The following ARHGEF10L variants were observed in gnomAD, a reference collection of about 807,000 sequenced individuals.
The protein encoded by ARHGEF10L is rho guanine nucleotide exchange factor 10-like protein.
Under a neutral mutation model 141.2 loss-of-function variants are expected in ARHGEF10L, and 69 were observed. The ratio of observed to expected loss-of-function variants is 0.49; its 90% CI spans 0.40 to 0.60. The LOEUF is 0.60. Among genes scored for constraint, ARHGEF10L ranks in the 20% least tolerant of loss-of-function variants. The pLI is 0.00. For missense variants in ARHGEF10L, 1,482 were observed against 1,734.3 expected (o/e 0.85, Z 2.58); for synonymous variants, 711 against 718.5 (o/e 0.99, Z 0.17).
At chr1:17,696,401 A>G (rs2065503142) in intron 28 of ARHGEF10L, among the ~76,000 whole-genome samples, 1 of 152,094 alleles carries the variant, frequency 6.6e-6, no homozygotes, top group Non-Finnish European at 1.5e-5. Context: ...GGGGGTCATC[A>G]TAGCTCGGGT....
Position 17,621,544 on chromosome 1 carries a change from A to G in ARHGEF10L, c.943-320A>G, listed in dbSNP as rs1052033585. 2.0e-5 allele frequency among the ~76,000 whole-genome samples: 3 copies of G among 152,132 alleles called. No homozygotes were observed. Among genetic ancestry groups the G allele is most frequent in the Non-Finnish European group, 4.4e-5 (3 of 68,004 alleles). ...CACCTTGCCTGGCCTAGGATTTTCT[A>G]TTAGAGTTGTCCAAAGATGGAGGTG... On this transcript the variant is annotated intron_variant, in intron 10 of 28. Transcript: ENST00000361221. This position sits in a 1 kb window ranked among gnomAD's most constrained non-coding sequence, Gnocchi z 4.1.
At chr1:17,657,071 A>T (rs1408580528) in intron 25 of ARHGEF10L, among the ~76,000 whole-genome samples, 1 of 152,030 alleles carries the variant, frequency 6.6e-6, no homozygotes, top group Non-Finnish European at 1.5e-5. Context: ...ACTCTTCATG[A>T]GAATAAGGGC....
At chr1:17,635,646 A>G (rs541091574) in intron 18 of ARHGEF10L, among the ~76,000 whole-genome samples, 1 of 152,256 alleles carries the variant, frequency 6.6e-6, no homozygotes, top group South Asian at 2.1e-4. Flanking sequence ...TTATGCCCTC[A>G]TGCTGGGCCA....
intron 16 of ARHGEF10L, 145 bp downstream of exon 16, chr1:17,632,611 G>A (rs1455587564): frequency 6.2e-5 from 68 of 1,094,006 alleles, no homozygotes; most frequent in Non-Finnish European, 8.8e-5. Flanking sequence ...CATCCCTCTT[G>A]CCCTGCTCTG....
the ARHGEF10L span, among the ~76,000 whole-genome samples, chr1:17,519,407 C>T: frequency 8.6e-5 from 13 of 150,932 alleles, no homozygotes; most frequent in African/African-American, 1.7e-4. Flanking sequence ...CCCAGGAGTT[C>T]GAGGCCAGCC....
At chr1:17,663,561 AAAAAAAAAAC>A (rs2062775968) in intron 25 of ARHGEF10L, among the ~76,000 whole-genome samples, 1 of 151,516 alleles carries the variant, frequency 6.6e-6, no homozygotes, top group Non-Finnish European at 1.5e-5. Context: ...CTCAAAGAAA[AAAAAAAAAAC>A]AAAAAAAAAC....
chr1:17,520,083 C>A, the ARHGEF10L span, among the ~76,000 whole-genome samples: 1 of 152,230 alleles, frequency 6.6e-6, no homozygotes, highest in Admixed American at 6.5e-5. Context: ...TACTACTTGG[C>A]ACCCCCCTCT....
At chr1:17,653,398 C>T (rs2062043814) in intron 22 of ARHGEF10L, among the ~76,000 whole-genome samples, 2 of 152,206 alleles carry the variant, frequency 1.3e-5, no homozygotes, top group South Asian at 4.1e-4. Flanking sequence ...TATTTTCCAC[C>T]ATCTTCGACC....
chr1:17,646,509 G>A (rs1557920622), intron 21 of ARHGEF10L, among the ~76,000 whole-genome samples: 2 of 152,204 alleles, frequency 1.3e-5, no homozygotes, highest in African/African-American at 4.8e-5. Flanking sequence ...AATAGGGTGG[G>A]AGGTTTCGGC....
chr1:17,570,808 T>C (rs2077965262), intron 1 of ARHGEF10L, among the ~76,000 whole-genome samples: 1 of 151,744 alleles, frequency 6.6e-6, no homozygotes, highest in Non-Finnish European at 1.5e-5. Flanking sequence ...TGGGCGTATG[T>C]TGAAGGTAGA....
rs760033554 is a variant in ARHGEF10L, at chr1:17,687,673, G to T, written c.3110G>T (p.Arg1037Leu). 6.2e-7 allele frequency: 1 copy of T among 1,612,056 alleles called. No individual in the cohort carries two copies. The highest frequency in any genetic ancestry group is 8.5e-7 in the Non-Finnish European group (1 of 1,179,454). Reference protein sequence around the residue: ...WMAFSSGTSIRLFHTETLEHL... With the variant: ...WMAFSSGTSILLFHTETLEHL... ...GCCTTCTCCTCCGGCACCTCCATCC[G>T]CCTCTTCCACACTGAGACCCTGGAG... is the stretch of plus-strand genomic sequence containing the variant. Residue 1037 changes from arginine (R) to leucine (L), a missense_variant, in exon 27 of 29, where the codon CGC becomes CTC. Physicochemically the swap from Arg to Leu is moderately radical, Grantham distance 102. Around this residue, in one of 3 missense-constraint regions of ARHGEF10L, gnomAD observed 858 missense variants for 966.3 expected, o/e 0.89. Coordinates refer to ENST00000361221, the MANE Select transcript of ARHGEF10L (RefSeq NM_018125.4).
chr1:17,607,921 G>T lies in ARHGEF10L; in HGVS notation c.553G>T (p.Ala185Ser). 1 of 1,526,846 alleles carries T rather than the reference G, an allele frequency of 6.5e-7. No homozygotes were observed. The highest frequency in any genetic ancestry group is 8.8e-7 in the Non-Finnish European group (1 of 1,139,654). 94.6% of individuals were successfully genotyped at this position (1,526,846 alleles called of 1,614,324 possible). Residue 185 changes from alanine (A) to serine (S), a missense_variant, in exon 7 of 29, where the codon GCC becomes TCC. Physicochemically the swap from Ala to Ser is moderately conservative, Grantham distance 99. This residue lies in a region of ARHGEF10L where 392 missense variants were observed against 542.1 expected (regional missense o/e 0.72). Coordinates refer to ENST00000361221, the MANE Select transcript of ARHGEF10L (RefSeq NM_018125.4). The surrounding 1 kb of genome is among the most constrained non-coding windows in gnomAD (Gnocchi z 4.5). ...CTACAGCGAGGACTCGGGGGAGGAG[G>T]CCAAGCCGGAGGTCGAGGTCGAGCC... ...ESYSEDSGEE[A>S]KPEVEVEPAK...
chr1:17,680,877 G>A (rs767832166), intron 26 of ARHGEF10L, among the ~76,000 whole-genome samples: 16 of 150,530 alleles, frequency 1.1e-4, no homozygotes, highest in African/African-American at 2.7e-4. Flanking sequence ...TCTGCCTCCC[G>A]GGTTCAAGCG....
At position 17,603,202 on chromosome 1, in the gene ARHGEF10L, G is replaced by A. The variant is rs550362786; in HGVS notation, c.350-306G>A. Among the ~76,000 whole-genome samples, 5 of 151,928 alleles carry A rather than the reference G, an allele frequency of 3.3e-5. No individual in the cohort carries two copies. Among genetic ancestry groups the A allele is most frequent in the African/African-American group, 7.2e-5 (3 of 41,408 alleles). On this transcript the variant is annotated intron_variant, in intron 5 of 28. Coordinates refer to ENST00000361221, the MANE Select transcript of ARHGEF10L (RefSeq NM_018125.4). This position sits in a 1 kb window ranked among gnomAD's most constrained non-coding sequence, Gnocchi z 4.8. ...GGCCAGGGCACAGGTGCTGGACTGC[G>A]TCATGCTCCCTGCAGGGGCCGGGAG...
upstream of ARHGEF10L, among the ~76,000 whole-genome samples, chr1:17,537,023 C>A (rs1335322253): frequency 6.7e-6 from 1 of 149,240 alleles, no homozygotes; most frequent in Non-Finnish European, 1.5e-5. Context: ...GCATGCACTA[C>A]CGCATCTGGC....
At chr1:17,620,602 C>G (rs1360914856) in intron 10 of ARHGEF10L, among the ~76,000 whole-genome samples, 1 of 152,086 alleles carries the variant, frequency 6.6e-6, no homozygotes, top group Non-Finnish European at 1.5e-5. Context: ...TGGCTGCAGG[C>G]AGGGCAGTGG....
chr1:17,688,763 T>C (rs1010617155), intron 27 of ARHGEF10L, among the ~76,000 whole-genome samples: 2 of 152,064 alleles, frequency 1.3e-5, no homozygotes, highest in Admixed American at 1.3e-4. Flanking sequence ...AGGGCAGGCA[T>C]GTTAGCCAGC....
Position 17,655,937 on chromosome 1 carries a change from C to T in ARHGEF10L, c.2540C>T (p.Pro847Leu). 2 of 1,558,942 alleles carry T rather than the reference C, an allele frequency of 1.3e-6. No individual in the cohort carries two copies. The highest frequency in any genetic ancestry group is 2.4e-5 in the East Asian group (1 of 41,966). The change falls in exon 24 of 29, where the codon CCC becomes CTC. Residue 847 changes from proline (P) to leucine (L), a missense_variant. This residue lies in a region of ARHGEF10L where 858 missense variants were observed against 966.3 expected (regional missense o/e 0.89). Transcript: ENST00000361221. ...GTGGAAATCTTTTCCTTGAACCGGC[C>T]CTCGCCCCGCACCGTCAAGTCCTTC... ...GQVEIFSLNR[P>L]SPRTVKSFPL...
intron 1 of ARHGEF10L, among the ~76,000 whole-genome samples, chr1:17,541,493 G>A (rs1236427446): frequency 6.6e-6 from 1 of 152,222 alleles, no homozygotes. Flanking sequence ...AGTCTGGGGA[G>A]GGGCGAAAGC....
Sources: allele counts gnomAD v4.1 joint callset (sites outside exome capture counted in the v4.1 genomes callset), GRCh38; gene constraint gnomAD v4.1.1; regional missense constraint gnomAD v4.1.1; non-coding constraint Gnocchi (gnomAD v3.1); transcripts MANE v1.5; gene names NCBI Gene and HGNC (gene_info 2026-07-23, HGNC 2026-07-21).